Variants in COL28A1 observed in about 807,000 individuals in gnomAD.
COL28A1 encodes the protein collagen alpha-1(XXVIII) chain.
In COL28A1, 161 loss-of-function variants were observed where a neutral mutation model predicts 150.2. The ratio of observed to expected loss-of-function variants is 1.07; its 90% CI spans 0.94 to 1.22. COL28A1 has a LOEUF of 1.22. COL28A1 is among the 50% of genes most tolerant of loss of function. The pLI, the probability that COL28A1 is intolerant of heterozygous loss-of-function variation, is 0.00. For missense variants in COL28A1, 1,617 were observed against 1,388.3 expected, an observed-to-expected ratio of 1.16 and a Z score of -2.62; for synonymous variants, 552 against 469.7, an observed-to-expected ratio of 1.18 and a Z score of -2.26.
At chr7:7,376,533 G>C (rs1314163300) in intron 30 of COL28A1, among the ~76,000 whole-genome samples, 1 of 152,116 alleles carries the variant, frequency 6.6e-6, no homozygotes, top group Non-Finnish European at 1.5e-5. Context: ...TCTACAAAAT[G>C]AGAGTCAACA....
chr7:7,412,953 C>A (rs1783869021), intron 27 of COL28A1, among the ~76,000 whole-genome samples: 1 of 152,096 alleles, frequency 6.6e-6, no homozygotes, highest in African/African-American at 2.4e-5. Flanking sequence ...GGCTCTAAAG[C>A]CACTGAGAAA....
intron 25 of COL28A1, among the ~76,000 whole-genome samples, chr7:7,428,583 C>G (rs545516850): frequency 6.6e-6 from 1 of 152,168 alleles, no homozygotes; most frequent in African/African-American, 2.4e-5. Context: ...TGCCCTCAAA[C>G]CACAAGAAGT....
intron 18 of COL28A1, among the ~76,000 whole-genome samples, chr7:7,446,648 G>A (rs1342491023): frequency 6.6e-6 from 1 of 152,144 alleles, no homozygotes; most frequent in African/African-American, 2.4e-5. Flanking sequence ...ATTATACAAT[G>A]GCAAGACAAG....
At chr7:7,398,649 C>T (rs186232449) in intron 27 of COL28A1, among the ~76,000 whole-genome samples, 34 of 152,302 alleles carry the variant, frequency 2.2e-4, no homozygotes, top group Middle Eastern at 6.8e-3. Context: ...ACTTGTCCTG[C>T]CCTCCTATCT....
At chr7:7,471,541 ACAGGGATG>A (rs1302350666) in intron 15 of COL28A1, among the ~76,000 whole-genome samples, 1 of 152,336 alleles carries the variant, frequency 6.6e-6, no homozygotes, top group East Asian at 1.9e-4. Context: ...GGGTTTCATA[ACAGGGATG>A]CAGGGATGGG....
intron 27 of COL28A1, among the ~76,000 whole-genome samples, chr7:7,395,665 G>A (rs1583285095): frequency 6.6e-6 from 1 of 152,172 alleles, no homozygotes; most frequent in Admixed American, 6.5e-5. Context: ...TAAAAGCTCT[G>A]AGAAGAGGAA....
At chr7:7,410,620 T>C (rs1345110792) in intron 27 of COL28A1, among the ~76,000 whole-genome samples, 1 of 151,022 alleles carries the variant, frequency 6.6e-6, no homozygotes, top group Non-Finnish European at 1.5e-5. Context: ...ATTTTACTAC[T>C]ACCAAGATTG....
chr7:7,364,609 T>C lies in COL28A1; in HGVS notation c.3067-4081A>G, dbSNP rs147102579. Among the ~76,000 whole-genome samples, 844 of 152,306 alleles carry C rather than the reference T, an allele frequency of 5.5e-3. 13 individuals carry two copies. Among genetic ancestry groups the C allele is most frequent in the African/African-American group, 0.019 (806 of 41,544 alleles). On this transcript the variant is annotated intron_variant, in intron 33 of 34. Coordinates refer to ENST00000399429, the MANE Select transcript of COL28A1 (RefSeq NM_001037763.3). Reference sequence around the variant, plus strand: ...AGCTACTCATCTCCATGCTCCTATGTGTATATGCTACATGTTAATAACTTC... The same window carrying C: ...AGCTACTCATCTCCATGCTCCTATGCGTATATGCTACATGTTAATAACTTC...
Position 7,524,069 on chromosome 7 carries a change from A to G in COL28A1, c.702+160T>C, listed in dbSNP as rs139705208. ...CAACTTGCATTGAATATGGTAGTAT[A>G]AAAGAAATCAGATGGCTGCCTCAGA... On this transcript the variant is annotated intron_variant, in intron 4 of 34. Transcript: ENST00000399429. Among the ~76,000 whole-genome samples, 769 of 152,336 alleles carry G rather than the reference A, an allele frequency of 5.0e-3. 5 individuals carry two copies. Among genetic ancestry groups the G allele is most frequent in the African/African-American group, 0.018 (732 of 41,582 alleles).
chr7:7,532,641 A>C, intron 2 of COL28A1, 111 bp downstream of exon 2: 1 of 1,327,560 alleles, frequency 7.5e-7, no homozygotes, highest in Middle Eastern at 2.6e-4. Flanking sequence ...GTAGACTATC[A>C]CATGTATACA....
chr7:7,377,742 C>T (rs193173745), intron 30 of COL28A1, among the ~76,000 whole-genome samples: 1 of 141,532 alleles, frequency 7.1e-6, no homozygotes, highest in East Asian at 2.3e-4. Flanking sequence ...TCTGGTGGAA[C>T]TTTTATTTAA....
intron 21 of COL28A1, among the ~76,000 whole-genome samples, chr7:7,440,015 T>C (rs1785644458): frequency 6.6e-6 from 1 of 152,218 alleles, no homozygotes; most frequent in Non-Finnish European, 1.5e-5. Flanking sequence ...ACAATTAGTA[T>C]CTTTCTAGAG....
At chr7:7,536,499 G>C (rs549916079), upstream of COL28A1, among the ~76,000 whole-genome samples, 1 of 152,022 alleles carries the variant, frequency 6.6e-6, no homozygotes, top group East Asian at 1.9e-4. Flanking sequence ...TAATATTTTG[G>C]TCTCTCTCTA....
rs1276287828 is a variant in COL28A1 at position 7,456,091 on chromosome 7, G to C, written c.1324C>G (p.Pro442Ala). Reference sequence around the variant, plus strand: ...CCAGGGATACCCATTGGTCCTTGGGGTCCCACAGGTCCTATATCCCCCTGC... The same window carrying C: ...CCAGGGATACCCATTGGTCCTTGGGCTCCCACAGGTCCTATATCCCCCTGC... Reference protein sequence around the residue: ...GEKGDIGPVGPQGPMGIPGIG... With the variant: ...GEKGDIGPVGAQGPMGIPGIG... The change falls in exon 16 of 35, where the codon CCC becomes GCC. Residue 442 changes from proline to alanine, a missense_variant. Physicochemically the swap from Pro to Ala is conservative, Grantham distance 27. Transcript: ENST00000399429. 1 of 1,613,652 alleles carries C rather than the reference G, an allele frequency of 6.2e-7. No homozygotes were observed.
At chr7:7,347,218 G>A in the COL28A1 span, among the ~76,000 whole-genome samples, 1 of 152,082 alleles carries the variant, frequency 6.6e-6, no homozygotes, top group Non-Finnish European at 1.5e-5. Flanking sequence ...CTTGTCCCTG[G>A]TGCATGAGCC....
intron 30 of COL28A1, 59 bp from the exon 31 acceptor site, chr7:7,375,556 G>A: frequency 2.6e-6 from 3 of 1,132,990 alleles, no homozygotes; most frequent in African/African-American, 1.5e-5. Flanking sequence ...TTTTCCTAGA[G>A]CCATAAAAGA....
chr7:7,427,285 T>C (rs569259330), intron 25 of COL28A1, among the ~76,000 whole-genome samples: 1 of 152,326 alleles, frequency 6.6e-6, no homozygotes, highest in Admixed American at 6.5e-5. Context: ...GTCTAAACTT[T>C]GTATGGCTCT....
chr7:7,420,919 T>G (rs7804915), intron 25 of COL28A1, among the ~76,000 whole-genome samples: 25,696 of 152,200 alleles, frequency 0.17, 2,552 homozygotes, highest in African/African-American at 0.28. Flanking sequence ...TGCAGCCACT[T>G]TGGAAAACAG....
intron 15 of COL28A1, among the ~76,000 whole-genome samples, chr7:7,461,934 G>T (rs577376194): frequency 1.3e-5 from 2 of 152,028 alleles, no homozygotes; most frequent in Non-Finnish European, 2.9e-5. Context: ...GAGGCCAACC[G>T]GCACAAAAAT....
Sources: allele counts gnomAD v4.1 joint callset (sites outside exome capture counted in the v4.1 genomes callset), GRCh38; gene constraint gnomAD v4.1.1; transcripts MANE v1.5; gene names NCBI Gene and HGNC (gene_info 2026-07-23, HGNC 2026-07-21).